The following C4orf17 variants were observed in gnomAD, a reference collection of about 807,000 sequenced individuals.
C4orf17 encodes chromosome 4 open reading frame 17.
C4orf17 carries 25 observed loss-of-function variants against 32.0 expected under a neutral mutation model. The ratio of observed to expected loss-of-function variants is 0.78; its 90% confidence interval spans 0.57 to 1.09. C4orf17 has a LOEUF of 1.09. Ranked by LOEUF, C4orf17 falls within the 50% of genes least tolerant of loss-of-function variation. The probability of loss-of-function intolerance (pLI) is 0.00; values close to 1 mark genes in which losing one functional copy is unlikely to be tolerated. For missense variants in C4orf17, 420 were observed against 420.0 expected, an observed-to-expected ratio of 1.00 and a Z score of 0.00; for synonymous variants, 149 against 145.8, an observed-to-expected ratio of 1.02 and a Z score of -0.16.
intron 2 of C4orf17, among the ~76,000 whole-genome samples, chr4:99,520,048 C>T (rs564504291): frequency 1.6e-3 from 238 of 151,894 alleles, no homozygotes; most frequent in African/African-American, 5.4e-3. Context: ...CACAGTTTTT[C>T]ACAACCTACA....
In C4orf17 at chr4:99,511,183, A is replaced by G. The variant is rs1167218820; in HGVS notation, c.-183A>G. 1 of 152,028 alleles carries G rather than the reference A, an allele frequency of 6.6e-6. No individual in the cohort carries two copies. Among genetic ancestry groups the G allele is most frequent in the East Asian group, 1.9e-4 (1 of 5,184 alleles). The allele number at this position is 152,028 out of a possible 1,614,324, so 9.4% of individuals were successfully genotyped here. On this transcript the variant is annotated 5_prime_UTR_variant, in exon 1 of 9. Coordinates refer to ENST00000326581, the MANE Select transcript of C4orf17 (RefSeq NM_032149.3). ...CAGAGATTTAAGGAGATCAACAAAA[A>G]CTCAGTCTAGACATATTATGAGGCT...
chr4:99,517,013 T>C (rs1723199248), intron 2 of C4orf17, among the ~76,000 whole-genome samples: 1 of 152,152 alleles, frequency 6.6e-6, no homozygotes, highest in Non-Finnish European at 1.5e-5. Flanking sequence ...GGCTTTAGGT[T>C]TGATTTGATG....
At chr4:99,523,652 T>C (rs1253875398) in intron 3 of C4orf17, among the ~76,000 whole-genome samples, 2 of 152,180 alleles carry the variant, frequency 1.3e-5, no homozygotes, top group South Asian at 2.1e-4. Context: ...GGATCAGGTG[T>C]CACCACCTAA....
chr4:99,524,621 T>C, intron 4 of C4orf17, 36 bp downstream of exon 4: 1 of 1,304,926 alleles, frequency 7.7e-7, no homozygotes, highest in African/African-American at 1.5e-5. Context: ...CTATTTAGTT[T>C]GACTTCTATA....
intron 5 of C4orf17, among the ~76,000 whole-genome samples, chr4:99,534,565 C>T (rs1723529513): frequency 6.6e-6 from 1 of 152,168 alleles, no homozygotes; most frequent in South Asian, 2.1e-4. Flanking sequence ...CACTGTCTTC[C>T]ACAATGGTTG....
intron 2 of C4orf17, among the ~76,000 whole-genome samples, chr4:99,517,274 G>A (rs190965540): frequency 4.1e-4 from 62 of 152,296 alleles, no homozygotes; most frequent in Non-Finnish European, 6.3e-4. Context: ...GAAGTGGCAT[G>A]CACAGATTAG....
chr4:99,542,055 A>G lies in C4orf17; in HGVS notation c.1026A>G (p.Gln342=), dbSNP rs1244614648. The G allele has an allele frequency of 6.2e-7, 1 of 1,614,154 alleles. No individual in the cohort carries two copies. The highest frequency in any genetic ancestry group is 8.5e-7 in the Non-Finnish European group (1 of 1,180,002). The change falls in exon 9 of 9, where the codon CAA becomes CAG. Residue 342 remains glutamine (Q), a synonymous_variant. Transcript: ENST00000326581. ...AACCAGTGTCAGCAAGGAGTATACAAGAATACAACCTCTGTCCCCAAAGAG... is the reference window on the plus strand; with the variant it reads ...AACCAGTGTCAGCAAGGAGTATACAGGAATACAACCTCTGTCCCCAAAGAG... ...SAKPVSARSI[Q]EYNLCPQRAC... is the part of the protein sequence containing the mutation.
Position 99,542,215 on chromosome 4 carries a change from CTT to C in C4orf17, c.*108_*109del. ...TGGTATTGAGGAATCAAGTGGTCCT[CTT>C]TATGGTGGCACATGTAAATCTAAAA... On this transcript the variant is annotated 3_prime_UTR_variant, in exon 9 of 9. Coordinates refer to ENST00000326581, the MANE Select transcript of C4orf17 (RefSeq NM_032149.3). 6 of 910,812 alleles carry C rather than the reference CTT, an allele frequency of 6.6e-6. No homozygotes were observed. Among genetic ancestry groups the C allele is most frequent in the Admixed American group, 2.3e-5 (1 of 43,162 alleles). 56.4% of individuals were successfully genotyped at this position (910,812 alleles called of 1,614,324 possible).
intron 4 of C4orf17, among the ~76,000 whole-genome samples, chr4:99,527,156 T>C (rs1274230706): frequency 3.9e-5 from 6 of 152,166 alleles, no homozygotes; most frequent in South Asian, 2.1e-4. Context: ...CTTTCACCCA[T>C]GGGTTACTTA....
chr4:99,535,571 T>G (rs1298140680), intron 5 of C4orf17, among the ~76,000 whole-genome samples: 1 of 152,252 alleles, frequency 6.6e-6, no homozygotes, highest in African/African-American at 2.4e-5. Flanking sequence ...TCTTGTGTTT[T>G]TCAGCTCCAT....
chr4:99,517,596 T>C (rs1299161729), intron 2 of C4orf17, among the ~76,000 whole-genome samples: 2 of 152,008 alleles, frequency 1.3e-5, no homozygotes, highest in African/African-American at 4.8e-5. Context: ...GTAGATTCTG[T>C]AACAATATAT....
chr4:99,515,616 G>C (rs996061620), intron 2 of C4orf17, among the ~76,000 whole-genome samples: 1 of 152,020 alleles, frequency 6.6e-6, no homozygotes, highest in African/African-American at 2.4e-5. Context: ...CCACCTGGAT[G>C]ATGAAATAAT....
intron 5 of C4orf17, 126 bp downstream of exon 5, chr4:99,530,084 C>T (rs1473278205): frequency 1.4e-6 from 1 of 720,770 alleles, no homozygotes; most frequent in Non-Finnish European, 2.1e-6. Flanking sequence ...TTTAAGACTG[C>T]TTAGCCTGAA....
intron 2 of C4orf17, among the ~76,000 whole-genome samples, chr4:99,520,715 C>A (rs191110559): frequency 1.8e-4 from 27 of 152,234 alleles, no homozygotes; most frequent in Non-Finnish European, 3.4e-4. Flanking sequence ...TTTTAAAACT[C>A]ATTTCTTGGT....
In C4orf17 at chr4:99,524,681, A is replaced by G. The variant is rs945581467; in HGVS notation, c.402+96A>G. On this transcript the variant is annotated intron_variant, in intron 4 of 8. Coordinates refer to ENST00000326581, the MANE Select transcript of C4orf17 (RefSeq NM_032149.3). Reference sequence around the variant, plus strand: ...CCTTTCCGAAAAGTCACCATGTTTCACAATATTTTTACAGCTTTAGTAAAG... The same window carrying G: ...CCTTTCCGAAAAGTCACCATGTTTCGCAATATTTTTACAGCTTTAGTAAAG... 209 of 734,624 alleles carry G rather than the reference A, an allele frequency of 2.8e-4. 1 individual carries two copies. Among genetic ancestry groups the G allele is most frequent in the Non-Finnish European group, 2.7e-4 (116 of 430,166 alleles). 45.5% of individuals were successfully genotyped at this position (734,624 alleles called of 1,614,324 possible). A position where few individuals can be genotyped will look rare whatever the true frequency, so the allele number is the denominator to read the frequency against.
At chr4:99,516,521 C>T (rs1449735579) in intron 2 of C4orf17, among the ~76,000 whole-genome samples, 6 of 152,264 alleles carry the variant, frequency 3.9e-5, no homozygotes, top group South Asian at 2.1e-4. Flanking sequence ...GAAAATATAG[C>T]GAAGAGCCTG....
intron 2 of C4orf17, among the ~76,000 whole-genome samples, chr4:99,522,123 G>A (rs866237531): frequency 3.9e-5 from 6 of 152,036 alleles, no homozygotes; most frequent in Non-Finnish European, 1.5e-5. Flanking sequence ...TTTAAATCTG[G>A]CATTCATGAA....
intron 7 of C4orf17, among the ~76,000 whole-genome samples, chr4:99,539,826 A>C (rs1359300172): frequency 6.6e-6 from 1 of 151,950 alleles, no homozygotes; most frequent in Non-Finnish European, 1.5e-5. Flanking sequence ...TGCTTCACTT[A>C]ATTTCCTCTG....
chr4:99,525,551 T>C (rs1723373261), intron 4 of C4orf17, among the ~76,000 whole-genome samples: 1 of 152,120 alleles, frequency 6.6e-6, no homozygotes, highest in African/African-American at 2.4e-5. Context: ...TCCCAGAACT[T>C]TGGGAGGCCA....
Sources: gnomAD v4.1 joint callset for allele counts (sites outside exome capture counted in the v4.1 genomes callset) on GRCh38, gnomAD v4.1.1 for gene constraint, MANE v1.5 for transcripts, NCBI Gene and HGNC (gene_info 2026-07-23, HGNC 2026-07-21) for gene names.